Variants in ROBO1 observed in about 807,000 individuals in gnomAD.
ROBO1 encodes roundabout homolog 1.
In ROBO1, 149 loss-of-function variants were observed where a neutral mutation model predicts 195.9. The ratio of observed to expected loss-of-function variants is 0.76; its 90% CI spans 0.67 to 0.87. The LOEUF (loss-of-function observed/expected upper bound fraction) is 0.87, where lower values mean the gene tolerates loss of function less well. Ranked by LOEUF, ROBO1 falls within the 40% of genes least tolerant of loss-of-function variation. ROBO1 has a pLI of 0.00. For missense variants in ROBO1, 1,933 were observed against 2,068.3 expected (o/e 0.93, Z 1.27); for synonymous variants, 816 against 733.2 (o/e 1.11, Z -1.82).
chr3:79,383,311 G>A (rs1378688570), intron 2 of ROBO1, among the ~76,000 whole-genome samples: 5 of 151,732 alleles, frequency 3.3e-5, no homozygotes, highest in African/African-American at 9.7e-5. Context: ...TTATTATTAC[G>A]ATTTTAATAC....
chr3:79,751,263 T>C (rs1464285285), intron 1 of ROBO1, among the ~76,000 whole-genome samples: 1 of 152,148 alleles, frequency 6.6e-6, no homozygotes, highest in African/African-American at 2.4e-5. Flanking sequence ...TTTTACATAC[T>C]GTTTATGATT....
intron 2 of ROBO1, among the ~76,000 whole-genome samples, chr3:79,437,686 G>C (rs2038932060): frequency 6.6e-6 from 1 of 151,994 alleles, no homozygotes; most frequent in Non-Finnish European, 1.5e-5. Flanking sequence ...TATGTGTATA[G>C]AGTGCAATGA....
At chr3:78,873,860 A>G (rs1223315209) in intron 4 of ROBO1, among the ~76,000 whole-genome samples, 1 of 152,126 alleles carries the variant, frequency 6.6e-6, no homozygotes, top group East Asian at 1.9e-4. Context: ...ATACAGCAAT[A>G]CTATGACTAA....
intron 4 of ROBO1, among the ~76,000 whole-genome samples, chr3:78,763,136 C>T (rs1217995788): frequency 6.6e-6 from 1 of 152,086 alleles, no homozygotes; most frequent in African/African-American, 2.4e-5. Context: ...GGATAAGATA[C>T]AGCTCGAAGT....
chr3:79,451,825 AAGAG>A (rs1231569954), intron 2 of ROBO1, among the ~76,000 whole-genome samples: 1 of 152,036 alleles, frequency 6.6e-6, no homozygotes, highest in Non-Finnish European at 1.5e-5. Context: ...TAAGTAAATT[AAGAG>A]AGAGGTCTTG....
At chr3:78,929,065 T>C (rs1560010698) in intron 4 of ROBO1, among the ~76,000 whole-genome samples, 1 of 152,272 alleles carries the variant, frequency 6.6e-6, no homozygotes, top group East Asian at 1.9e-4. Flanking sequence ...CTGGATAAGA[T>C]TTAAAATGTT....
chr3:79,362,181 A>G (rs2035795685), intron 2 of ROBO1, among the ~76,000 whole-genome samples: 1 of 152,172 alleles, frequency 6.6e-6, no homozygotes, highest in African/African-American at 2.4e-5. Context: ...GACACAGACA[A>G]CAAATGAAAG....
At chr3:79,235,178 T>G (rs2108862621) in intron 2 of ROBO1, among the ~76,000 whole-genome samples, 1 of 152,090 alleles carries the variant, frequency 6.6e-6, no homozygotes. Flanking sequence ...ATGAGAAAAA[T>G]ATTATTTGTC....
intron 18 of ROBO1, among the ~76,000 whole-genome samples, chr3:78,653,100 TC>T (rs1390457316): frequency 6.6e-6 from 1 of 152,186 alleles, no homozygotes; most frequent in African/African-American, 2.4e-5. Context: ...ATACATATTG[TC>T]GTCATGAGTT....
At chr3:79,324,017 T>C (rs1487435295) in intron 2 of ROBO1, among the ~76,000 whole-genome samples, 1 of 152,188 alleles carries the variant, frequency 6.6e-6, no homozygotes, top group Non-Finnish European at 1.5e-5. Context: ...ATAAGTTTTT[T>C]TTTTAACTGT....
At chr3:79,018,985 A>T in intron 3 of ROBO1, 1 of 989,818 alleles carries the variant, frequency 1.0e-6, no homozygotes, top group Non-Finnish European at 1.2e-6. Context: ...TAGAAGCAGC[A>T]GCTCCGGAGG....
At chr3:79,534,562 G>T (rs1273819750) in intron 2 of ROBO1, among the ~76,000 whole-genome samples, 1 of 152,002 alleles carries the variant, frequency 6.6e-6, no homozygotes, top group Admixed American at 6.6e-5. Context: ...TTAAAGAATG[G>T]GTGAATATAT....
intron 18 of ROBO1, among the ~76,000 whole-genome samples, chr3:78,652,803 C>T (rs1373456886): frequency 6.6e-6 from 1 of 151,536 alleles, no homozygotes; most frequent in African/African-American, 2.4e-5. Flanking sequence ...ACTTAGTTTA[C>T]ATTTATGTTT....
At chr3:78,995,282 A>G (rs1205265856) in intron 3 of ROBO1, among the ~76,000 whole-genome samples, 1 of 152,132 alleles carries the variant, frequency 6.6e-6, no homozygotes, top group Non-Finnish European at 1.5e-5. Context: ...CAGGAATGCT[A>G]CATTGCACAA....
intron 3 of ROBO1, among the ~76,000 whole-genome samples, chr3:78,977,575 T>C (rs2076908394): frequency 6.6e-6 from 1 of 151,134 alleles, no homozygotes; most frequent in African/African-American, 2.4e-5. Context: ...GCAAAGGATC[T>C]TGATTCAAGC....
intron 4 of ROBO1, among the ~76,000 whole-genome samples, chr3:78,846,583 T>C (rs905117974): frequency 2.0e-5 from 3 of 152,276 alleles, no homozygotes; most frequent in Non-Finnish European, 2.9e-5. Context: ...AATAGAATAT[T>C]TGAAAATATA....
chr3:79,005,177 A>T (rs549053144), intron 3 of ROBO1, among the ~76,000 whole-genome samples: 1 of 152,310 alleles, frequency 6.6e-6, no homozygotes, highest in African/African-American at 2.4e-5. Context: ...GCTTCAAATG[A>T]ATCAGCTCTC....
At chr3:79,014,823 T>G (rs2077882599) in intron 3 of ROBO1, among the ~76,000 whole-genome samples, 1 of 152,194 alleles carries the variant, frequency 6.6e-6, no homozygotes, top group Non-Finnish European at 1.5e-5. Flanking sequence ...GGTCAGAAAT[T>G]AACCTAAGTA....
intron 3 of ROBO1, among the ~76,000 whole-genome samples, chr3:79,029,845 C>T (rs1467152488): frequency 6.6e-6 from 1 of 152,170 alleles, no homozygotes; most frequent in East Asian, 1.9e-4. Flanking sequence ...GACTATTTCT[C>T]CATAGCACTG....
Sources: allele counts gnomAD v4.1 joint callset (sites outside exome capture counted in the v4.1 genomes callset), GRCh38; gene constraint gnomAD v4.1.1; transcripts MANE v1.5; gene names NCBI Gene and HGNC (gene_info 2026-07-23, HGNC 2026-07-21).